Variants in ZNF30 observed in about 807,000 individuals in gnomAD.
The protein encoded by ZNF30 is zinc finger protein 30 (KOX 28).
ZNF30 carries 15 observed loss-of-function variants against 13.2 expected under a neutral mutation model. That is an observed-to-expected ratio of 1.13 (90% CI 0.76 to 1.75). The LOEUF (loss-of-function observed/expected upper bound fraction) is 1.75. Ranked by LOEUF, ZNF30 falls within the 40% of genes most tolerant of loss-of-function variation. The pLI, the probability that ZNF30 is intolerant of heterozygous loss-of-function variation, is 0.00. For synonymous variants in ZNF30, 223 were observed against 256.6 expected (o/e 0.87, Z 1.25); for missense variants, 726 against 757.0 (o/e 0.96, Z 0.48).
intron 4 of ZNF30, among the ~76,000 whole-genome samples, chr19:34,938,227 G>A (rs1301367090): frequency 6.6e-6 from 1 of 152,090 alleles, no homozygotes; most frequent in African/African-American, 2.4e-5. Context: ...TCCTCTTGAG[G>A]CATTTGGTTC....
At chr19:34,935,136 C>G (rs1414759614) in intron 4 of ZNF30, among the ~76,000 whole-genome samples, 2 of 151,778 alleles carry the variant, frequency 1.3e-5, no homozygotes, top group Non-Finnish European at 2.9e-5. Flanking sequence ...GAGGCTGAGG[C>G]AGGAGAATGG....
intron 4 of ZNF30, among the ~76,000 whole-genome samples, chr19:34,935,523 C>G (rs2012683664): frequency 6.6e-6 from 1 of 152,048 alleles, no homozygotes; most frequent in Non-Finnish European, 1.5e-5. Context: ...TTATGGACAC[C>G]TGGTTATTTT....
At chr19:34,927,292 C>T (rs1403425950) in intron 1 of ZNF30, 76 bp downstream of exon 1, 7 of 341,262 alleles carry the variant, frequency 2.1e-5, no homozygotes, top group East Asian at 8.7e-5. Flanking sequence ...GGTGCGTCGG[C>T]CGGGGCCGGT....
chr19:34,938,699 T>G (rs1433430031), intron 4 of ZNF30, among the ~76,000 whole-genome samples: 1 of 150,780 alleles, frequency 6.6e-6, no homozygotes, highest in Non-Finnish European at 1.5e-5. Flanking sequence ...CCACCGGAGG[T>G]TCATCTTAGG....
At chr19:34,934,062 A>G (rs920497595) in intron 4 of ZNF30, among the ~76,000 whole-genome samples, 1 of 151,948 alleles carries the variant, frequency 6.6e-6, no homozygotes, top group Admixed American at 6.6e-5. Flanking sequence ...TTAGACAGTA[A>G]TAGTTGAACA....
At chr19:34,936,397 A>G (rs2012742211) in intron 4 of ZNF30, among the ~76,000 whole-genome samples, 1 of 152,222 alleles carries the variant, frequency 6.6e-6, no homozygotes, top group African/African-American at 2.4e-5. Flanking sequence ...AAGAAGGATC[A>G]ACAGGTTTGG....
rs1343137784 is a variant in ZNF30 at position 34,944,952 on chromosome 19, CATCTT to C, written c.*117_*121del. On this transcript the variant is annotated 3_prime_UTR_variant, in exon 5 of 5. Transcript: ENST00000601142. ...TGAAGAATATTGGCAGGTCTATTCT[CATCTT>C]ATAATTCATAATATAACTCAGAAAA... The C allele has an allele frequency of 1.0e-6, 1 of 953,256 alleles. No individual in the cohort carries two copies. The highest frequency in any genetic ancestry group is 1.5e-6 in the Non-Finnish European group (1 of 673,458). The allele number at this position is 953,256 out of a possible 1,614,324, so 59.0% of individuals were successfully genotyped here. A position where few individuals can be genotyped will look rare whatever the true frequency, so the allele number is the denominator to read the frequency against.
Position 34,943,311 on chromosome 19 carries a change from T to G in ZNF30, c.345T>G (p.Ser115Arg). Residue 115 changes from serine (S) to arginine (R), a missense_variant, in exon 5 of 5, where the codon AGT becomes AGG. By Grantham distance (110) the Ser-to-Arg change is moderately radical (BLOSUM62 -1). Coordinates refer to ENST00000601142, the MANE Select transcript of ZNF30 (RefSeq NM_194325.3). ...CTTTTGCTCTACATCAGAAAATAAG[T>G]AGACAGAAACCACGTGAATGTCAGG... ...CPSFALHQKI[S>R]RQKPRECQEY... is the part of the protein sequence containing the mutation. 6.2e-7 allele frequency: 1 copy of G among 1,613,938 alleles called. No individual in the cohort carries two copies. The highest frequency in any genetic ancestry group is 8.5e-7 in the Non-Finnish European group (1 of 1,179,868).
At chr19:34,942,585 CAT>C (rs2013097857) in intron 4 of ZNF30, 1 of 1,266,204 alleles carries the variant, frequency 7.9e-7, no homozygotes, top group African/African-American at 1.5e-5. Flanking sequence ...TTATTTTAAA[CAT>C]GGATAGGATA....
At chr19:34,942,645 A>G in intron 4 of ZNF30, 1 of 1,289,454 alleles carries the variant, frequency 7.8e-7, no homozygotes, top group Admixed American at 2.3e-5. Flanking sequence ...TTTTTAGGCG[A>G]TGATGCCACC....
At chr19:34,940,949 C>G (rs1338986280) in intron 4 of ZNF30, among the ~76,000 whole-genome samples, 1 of 152,146 alleles carries the variant, frequency 6.6e-6, no homozygotes, top group Non-Finnish European at 1.5e-5. Context: ...TTTCTTATGT[C>G]TTTCCTAAAT....
At chr19:34,924,359 G>A (rs2011996212), upstream of ZNF30, among the ~76,000 whole-genome samples, 1 of 151,684 alleles carries the variant, frequency 6.6e-6, no homozygotes, top group African/African-American at 2.4e-5. Context: ...TACCCACCAT[G>A]GAACCCACAT....
intron 4 of ZNF30, 32 bp downstream of exon 4, chr19:34,933,755 T>C (rs1437812849): frequency 4.8e-6 from 7 of 1,465,904 alleles, no homozygotes; most frequent in South Asian, 1.2e-5. Context: ...AGGGAGGCCA[T>C]TGTTGCTGGA....
At position 34,943,850 on chromosome 19, in the gene ZNF30, A is replaced by C. The variant is rs753362663; in HGVS notation, c.884A>C (p.Lys295Thr). 1 of 1,614,184 alleles carries C rather than the reference A, an allele frequency of 6.2e-7. No individual in the cohort carries two copies. The highest frequency in any genetic ancestry group is 1.7e-5 in the Admixed American group (1 of 60,022). ...CCTTACGAATGCAAAGAATGTGGGA[A>C]GGCCTTTAGCACTAGCTCACCCCTT... is the stretch of plus-strand genomic sequence containing the variant. ...EKPYECKECGKAFSTSSPLAK... is the reference protein window; with the variant it reads ...EKPYECKECGTAFSTSSPLAK... The change falls in exon 5 of 5, where the codon AAG becomes ACG. Residue 295 changes from lysine to threonine, a missense_variant. Coordinates refer to ENST00000601142, the MANE Select transcript of ZNF30 (RefSeq NM_194325.3).
intron 1 of ZNF30, among the ~76,000 whole-genome samples, chr19:34,928,276 CATAA>C: frequency 8.8e-6 from 1 of 113,048 alleles, no homozygotes; most frequent in East Asian, 2.7e-4. Flanking sequence ...TAGATAGATA[CATAA>C]ATTAAATTAA....
At position 34,929,840 on chromosome 19, in the gene ZNF30, T is replaced by C. The variant is rs570086255; in HGVS notation, c.-64-44T>C. 5 of 1,032,980 alleles carry C rather than the reference T, an allele frequency of 4.8e-6. No homozygotes were observed. In the African/African-American group the frequency reaches 6.7e-5, roughly 14 times the overall value. The allele number at this position is 1,032,980 out of a possible 1,614,324, so 64.0% of individuals were successfully genotyped here. On this transcript the variant is annotated intron_variant, in intron 1 of 4. Transcript: ENST00000601142. ...CAGGAAGGTTTATTAATGTATGTCA[T>C]TGAGAACACTAAAGCCTCCTTTTCT...
intron 4 of ZNF30, among the ~76,000 whole-genome samples, chr19:34,933,990 T>TA (rs2012597850): frequency 6.6e-6 from 1 of 152,198 alleles, no homozygotes; most frequent in Non-Finnish European, 1.5e-5. Flanking sequence ...CATTATTCCA[T>TA]CTGTGTATTG....
Position 34,943,497 on chromosome 19 carries a change from A to G in ZNF30, c.531A>G (p.Lys177=), listed in dbSNP as rs1462128218. 1 of 1,613,866 alleles carries G rather than the reference A, an allele frequency of 6.2e-7. No homozygotes were observed. The highest frequency in any genetic ancestry group is 1.3e-5 in the African/African-American group (1 of 75,060). Residue 177 remains lysine (K), a synonymous_variant, in exon 5 of 5, where the codon AAA becomes AAG. Transcript: ENST00000601142. ...TGCATGTTGGTGAGAAACCCTATAA[A>G]TATGAAAAATGTGGGAAGGCCTTTA... The part of the protein sequence containing the change: ...QRLHVGEKPY[K]YEKCGKAFIS...
In ZNF30 at chr19:34,937,174, A is replaced by T. The variant is rs553077848; in HGVS notation, c.256+3451A>T. On this transcript the variant is annotated intron_variant, in intron 4 of 4. Transcript: ENST00000601142. Reference sequence around the variant, plus strand: ...TTATAGGCACCTGCCACCATGCCTGACTAATTTTTTATATTTTTAGTAGAG... The same window carrying T: ...TTATAGGCACCTGCCACCATGCCTGTCTAATTTTTTATATTTTTAGTAGAG... Among the ~76,000 whole-genome samples the T allele has an allele frequency of 9.2e-5, 14 of 151,864 alleles. No individual in the cohort carries two copies. The East Asian group carries it at 2.8e-3, about 30-fold the overall frequency.
Sources: allele counts gnomAD v4.1 joint callset (sites outside exome capture counted in the v4.1 genomes callset), GRCh38; gene constraint gnomAD v4.1.1; transcripts MANE v1.5; gene names NCBI Gene and HGNC (gene_info 2026-07-23, HGNC 2026-07-21).